The following CHRDL1 variants were observed in gnomAD, a reference collection of about 807,000 sequenced individuals.
The protein encoded by CHRDL1 is chordin like 1.
Under a neutral mutation model 40.9 loss-of-function variants are expected in CHRDL1, and 19 were observed. The ratio of observed to expected loss-of-function variants is 0.46; its 90% CI spans 0.32 to 0.68. The LOEUF (loss-of-function observed/expected upper bound fraction) is 0.68, where lower values mean the gene tolerates loss of function less well. CHRDL1 is among the 30% of genes least tolerant of loss of function. The pLI is 0.03. For synonymous variants in CHRDL1, 136 were observed against 123.4 expected (o/e 1.10, Z -0.68); for missense variants, 329 against 352.1 (o/e 0.93, Z 0.53).
At chrX:110,687,809 G>A (rs1280818134) in intron 9 of CHRDL1, among the ~76,000 whole-genome samples, 2 of 111,224 alleles carry the variant, frequency 1.8e-5, no homozygotes, top group Non-Finnish European at 3.8e-5. Flanking sequence ...CCTATATTCT[G>A]TCAACCCCAA....
At position 110,794,470 on chromosome X, in the gene CHRDL1, A is replaced by G. The variant is rs541703689; in HGVS notation, c.-35+1274T>C. ...AACAACAAAAAAACAAAACCCTGCA[A>G]CTAACACAGGTAGTGGAGGTGGGAT... On this transcript the variant is annotated intron_variant, in intron 1 of 11. Coordinates refer to ENST00000372042, the MANE Select transcript of CHRDL1 (RefSeq NM_001143981.2). Among the ~76,000 whole-genome samples the G allele has an allele frequency of 1.7e-4, 19 of 112,395 alleles. No individual in the cohort carries two copies. The South Asian group carries it at 7.1e-3, about 42-fold the overall frequency.
chrX:110,685,952 G>A (rs1187787906), intron 9 of CHRDL1, among the ~76,000 whole-genome samples: 4 of 102,752 alleles, frequency 3.9e-5, no homozygotes, highest in Admixed American at 1.1e-4. Context: ...GTACTGGTGT[G>A]ATCGTGGCTC....
chrX:110,721,659 T>C, intron 4 of CHRDL1, 129 bp from the exon 5 acceptor site: 2 of 515,092 alleles, frequency 3.9e-6, no homozygotes, highest in Non-Finnish European at 3.4e-6. Context: ...CAGTGACCAA[T>C]GATTTTGAAT....
chrX:110,774,962 T>C (rs1247514432), intron 2 of CHRDL1, among the ~76,000 whole-genome samples: 1 of 111,772 alleles, frequency 8.9e-6, no homozygotes, highest in Non-Finnish European at 1.9e-5. Flanking sequence ...GCAACAGAAA[T>C]TGTAGTTATC....
chrX:110,787,885 T>TAATTGA (rs1302190268), intron 2 of CHRDL1, among the ~76,000 whole-genome samples: 1 of 112,860 alleles, frequency 8.9e-6, no homozygotes, highest in Admixed American at 9.4e-5. Flanking sequence ...TAGAAATACA[T>TAATTGA]AATTGAATAT....
chrX:110,698,492 A>G (rs903919669), intron 7 of CHRDL1, among the ~76,000 whole-genome samples: 1 of 112,206 alleles, frequency 8.9e-6, no homozygotes, highest in Non-Finnish European at 1.9e-5. Flanking sequence ...TTTAGAACAA[A>G]GGGAAATATT....
chrX:110,684,605 TCACTGTCTTTC>T (rs2069966374), intron 9 of CHRDL1, among the ~76,000 whole-genome samples: 1 of 112,849 alleles, frequency 8.9e-6, no homozygotes, highest in Non-Finnish European at 1.9e-5. Context: ...TGATTTGGGT[TCACTGTCTTTC>T]TTTTCTGCTA....
Position 110,784,345 on chromosome X carries a change from C to G in CHRDL1, c.94+7743G>C, listed in dbSNP as rs762145292. Among the ~76,000 whole-genome samples the G allele has an allele frequency of 3.6e-5, 4 of 112,200 alleles. No individual in the cohort carries two copies. The South Asian group carries it at 1.5e-3, about 42-fold the overall frequency. On this transcript the variant is annotated intron_variant, in intron 2 of 11. Transcript: ENST00000372042. ...AACATTCTCCGTCCTGTGTATGCAG[C>G]TTTTTCCTTCATTCAGAAGTTAATT...
In CHRDL1 at chrX:110,700,076, A is replaced by T. The variant is rs550626313; in HGVS notation, c.609+578T>A. 1.5e-4 allele frequency among the ~76,000 whole-genome samples: 17 copies of T among 112,271 alleles called. No homozygotes were observed. In the South Asian group the frequency reaches 6.0e-3, roughly 40 times the overall value. ...TTTTATAAATTCCTTCAAAATACAA[A>T]AGAACAAAAGATGCTATTACTTACA... On this transcript the variant is annotated intron_variant, in intron 7 of 11. Coordinates refer to ENST00000372042, the MANE Select transcript of CHRDL1 (RefSeq NM_001143981.2).
chrX:110,754,562 A>G (rs2089418058), intron 4 of CHRDL1, among the ~76,000 whole-genome samples: 1 of 112,277 alleles, frequency 8.9e-6, no homozygotes, highest in Non-Finnish European at 1.9e-5. Context: ...TTATGGGAAC[A>G]CATACTATAG....
At chrX:110,746,362 A>G (rs1437708591) in intron 4 of CHRDL1, among the ~76,000 whole-genome samples, 1 of 111,167 alleles carries the variant, frequency 9.0e-6, no homozygotes, top group Non-Finnish European at 1.9e-5. Flanking sequence ...TTTAGGAGGG[A>G]GGAGGTATCA....
chrX:110,751,568 T>C (rs1303902420), intron 4 of CHRDL1, among the ~76,000 whole-genome samples: 1 of 111,749 alleles, frequency 8.9e-6, no homozygotes, highest in Non-Finnish European at 1.9e-5. Flanking sequence ...AAAGCCACAA[T>C]GAGGTATCAT....
chrX:110,682,093 G>C (rs2069910762), intron 9 of CHRDL1, among the ~76,000 whole-genome samples: 1 of 112,188 alleles, frequency 8.9e-6, no homozygotes, highest in African/African-American at 3.2e-5. Flanking sequence ...GGCTGAAAAA[G>C]GGCCTTGGTT....
At chrX:110,689,796 C>CTATATATCTATATATATCTATAT (rs2070190365) in intron 8 of CHRDL1, among the ~76,000 whole-genome samples, 1 of 1,951 alleles carries the variant, frequency 5.1e-4, no homozygotes, top group African/African-American at 5.4e-3. Flanking sequence ...TATATCTATA[C>CTATATATCTATATATATCTATAT]ATCTATATAT....
rs144072915 is a variant in CHRDL1, at chrX:110,788,335, G to A, written c.94+3753C>T. 2.4e-4 allele frequency among the ~76,000 whole-genome samples: 27 copies of A among 111,790 alleles called. No homozygotes were observed. The East Asian group carries it at 7.0e-3, about 29-fold the overall frequency. On this transcript the variant is annotated intron_variant, in intron 2 of 11. Transcript: ENST00000372042. ...GTGATGAGCTTTCCACAAACAAAGC[G>A]TTTTTTCCACACCTCTTCAGATTTC...
intron 6 of CHRDL1, among the ~76,000 whole-genome samples, chrX:110,707,758 C>T (rs1477552569): frequency 9.0e-6 from 1 of 111,673 alleles, no homozygotes; most frequent in Non-Finnish European, 1.9e-5. Flanking sequence ...ACTAAAACAC[C>T]AAAAGCAATG....
At chrX:110,779,152 T>C (rs1278014687) in intron 2 of CHRDL1, among the ~76,000 whole-genome samples, 1 of 110,932 alleles carries the variant, frequency 9.0e-6, no homozygotes, top group African/African-American at 3.3e-5. Context: ...TTGAGTACTA[T>C]GCTTAGTATT....
intron 7 of CHRDL1, among the ~76,000 whole-genome samples, chrX:110,697,814 C>CCACACACACACACACACACA (rs60454872): frequency 1.8e-5 from 1 of 55,134 alleles, no homozygotes; most frequent in Admixed American, 2.5e-4. Context: ...CCACACCACT[C>CCACACACACACACACACACA]CACACACACA....
intron 6 of CHRDL1, among the ~76,000 whole-genome samples, chrX:110,701,693 A>T (rs966530714): frequency 9.0e-6 from 1 of 111,238 alleles, no homozygotes; most frequent in South Asian, 3.8e-4. Context: ...GTGCACCTGT[A>T]GTCCCAGCTA....
Sources: gnomAD v4.1 joint callset for allele counts (sites outside exome capture counted in the v4.1 genomes callset) on GRCh38, gnomAD v4.1.1 for gene constraint, MANE v1.5 for transcripts, NCBI Gene and HGNC (gene_info 2026-07-23, HGNC 2026-07-21) for gene names.